The following PLPPR1 variants were observed in gnomAD, a reference collection of about 807,000 sequenced individuals.
PLPPR1 encodes phospholipid phosphatase-related protein type 1.
Under a neutral mutation model 33.1 loss-of-function variants are expected in PLPPR1, and 10 were observed. The observed-to-expected ratio is 0.30, with a 90% CI of 0.19 to 0.51. The LOEUF (loss-of-function observed/expected upper bound fraction) is 0.51. Ranked by LOEUF, PLPPR1 falls within the 20% of genes least tolerant of loss-of-function variation. The probability of loss-of-function intolerance (pLI) is 0.97; values close to 1 mark genes in which losing one functional copy is unlikely to be tolerated. For synonymous variants in PLPPR1, 151 were observed against 151.0 expected (o/e 1.00, Z 0.00); for missense variants, 304 against 408.1 (o/e 0.74, Z 2.20).
At chr9:101,246,221 A>T (rs1827610008) in intron 2 of PLPPR1, among the ~76,000 whole-genome samples, 1 of 151,392 alleles carries the variant, frequency 6.6e-6, no homozygotes, top group Non-Finnish European at 1.5e-5. Flanking sequence ...GGAAGAGAGA[A>T]GACACTGAGG....
chr9:101,029,692 T>G (rs1829917633), intron 1 of PLPPR1, among the ~76,000 whole-genome samples: 1 of 152,176 alleles, frequency 6.6e-6, no homozygotes, highest in Admixed American at 6.5e-5. Flanking sequence ...CGAGCTCCGG[T>G]GCCAAAGGCG....
rs1027124766 is a variant in PLPPR1 at position 101,317,554 on chromosome 9, G to A, written c.945+58G>A. Reference sequence around the variant, plus strand: ...ACAGGCTGAACACTTTGGGAGGTCAGTATCAATCCATGAATACCACTTAAT... The same window carrying A: ...ACAGGCTGAACACTTTGGGAGGTCAATATCAATCCATGAATACCACTTAAT... On this transcript the variant is annotated intron_variant, in intron 7 of 7. Transcript: ENST00000374874. 2.6e-6 allele frequency: 4 copies of A among 1,525,106 alleles called. No homozygotes were observed. In the East Asian group the frequency reaches 6.8e-5, roughly 26 times the overall value. The allele number at this position is 1,525,106 out of a possible 1,614,324, so 94.5% of individuals were successfully genotyped here.
intron 1 of PLPPR1, among the ~76,000 whole-genome samples, chr9:101,041,053 C>T (rs149545706): frequency 1.1e-4 from 17 of 152,216 alleles, no homozygotes; most frequent in African/African-American, 1.9e-4. Context: ...GATCTGTGAA[C>T]GCATAGTGGA....
chr9:101,163,526 T>C (rs1728926779), intron 1 of PLPPR1, among the ~76,000 whole-genome samples: 1 of 152,154 alleles, frequency 6.6e-6, no homozygotes, highest in African/African-American at 2.4e-5. Flanking sequence ...TTCATCTAGG[T>C]GCAAAGTTAC....
chr9:101,164,805 T>G (rs1218282871), intron 1 of PLPPR1, among the ~76,000 whole-genome samples: 1 of 152,208 alleles, frequency 6.6e-6, no homozygotes, highest in Admixed American at 6.6e-5. Flanking sequence ...TTTGTTTGTT[T>G]GTTTAGTAAT....
intron 1 of PLPPR1, among the ~76,000 whole-genome samples, chr9:101,153,441 T>C (rs920030134): frequency 6.6e-6 from 1 of 151,994 alleles, no homozygotes; most frequent in South Asian, 2.1e-4. Flanking sequence ...TGAATAGGAG[T>C]GGTGAGAGAG....
intron 1 of PLPPR1, among the ~76,000 whole-genome samples, chr9:101,108,297 T>G (rs1239865363): frequency 6.6e-6 from 1 of 152,206 alleles, no homozygotes; most frequent in Admixed American, 6.5e-5. Flanking sequence ...AATTGATCTG[T>G]CTATGGACCA....
At chr9:101,289,581 T>C (rs1262767103) in intron 4 of PLPPR1, among the ~76,000 whole-genome samples, 1 of 152,184 alleles carries the variant, frequency 6.6e-6, no homozygotes, top group African/African-American at 2.4e-5. Flanking sequence ...CTGGGGGTGG[T>C]TCCCCCATAC....
chr9:101,304,662 T>C (rs902610321), intron 4 of PLPPR1, among the ~76,000 whole-genome samples: 2 of 152,192 alleles, frequency 1.3e-5, no homozygotes, highest in Non-Finnish European at 2.9e-5. Flanking sequence ...CTATGCATGC[T>C]CTATTCATCA....
At chr9:101,277,147 G>T (rs1009193277) in intron 3 of PLPPR1, among the ~76,000 whole-genome samples, 3 of 152,198 alleles carry the variant, frequency 2.0e-5, no homozygotes, top group Non-Finnish European at 2.9e-5. Flanking sequence ...AACCATTTCT[G>T]CCTTCTTGGA....
At chr9:101,272,186 A>T (rs1392701997) in intron 3 of PLPPR1, among the ~76,000 whole-genome samples, 3 of 152,330 alleles carry the variant, frequency 2.0e-5, no homozygotes, top group East Asian at 1.9e-4. Flanking sequence ...TAAAAGATGT[A>T]GCAAAGCTGA....
intron 2 of PLPPR1, among the ~76,000 whole-genome samples, chr9:101,195,714 A>C (rs1826381812): frequency 6.6e-6 from 1 of 152,124 alleles, no homozygotes; most frequent in Non-Finnish European, 1.5e-5. Context: ...GCTTTCCTCA[A>C]TCTGCCACCT....
At chr9:101,177,088 CT>C (rs1826029810) in intron 1 of PLPPR1, among the ~76,000 whole-genome samples, 1 of 152,110 alleles carries the variant, frequency 6.6e-6, no homozygotes, top group Non-Finnish European at 1.5e-5. Context: ...CTCAAGATTG[CT>C]TTGGCGATTT....
chr9:101,104,538 G>T (rs1830947316), intron 1 of PLPPR1, among the ~76,000 whole-genome samples: 1 of 133,502 alleles, frequency 7.5e-6, no homozygotes, highest in Non-Finnish European at 1.6e-5. Context: ...TGTGCTGCTG[G>T]ATTTGATTTG....
chr9:101,230,535 G>C (rs987112893), intron 2 of PLPPR1, among the ~76,000 whole-genome samples: 1 of 152,040 alleles, frequency 6.6e-6, no homozygotes, highest in Non-Finnish European at 1.5e-5. Flanking sequence ...GGAAATATGT[G>C]TTCTAGTCTG....
chr9:101,090,535 C>T (rs1195732074), intron 1 of PLPPR1, among the ~76,000 whole-genome samples: 2 of 152,146 alleles, frequency 1.3e-5, no homozygotes. Context: ...TTGACCCACC[C>T]CAGTCTGGCT....
intron 1 of PLPPR1, among the ~76,000 whole-genome samples, chr9:101,079,036 G>A (rs1467392658): frequency 6.6e-6 from 1 of 152,150 alleles, no homozygotes; most frequent in Non-Finnish European, 1.5e-5. Flanking sequence ...GGATGGTATT[G>A]AGTTAAATAT....
At chr9:101,158,768 A>G (rs1588052297) in intron 1 of PLPPR1, among the ~76,000 whole-genome samples, 2 of 152,306 alleles carry the variant, frequency 1.3e-5, no homozygotes, top group East Asian at 1.9e-4. Context: ...TGACTGAGCA[A>G]TTATCCTCTG....
At chr9:101,313,243 C>G (rs1047177332) in intron 6 of PLPPR1, among the ~76,000 whole-genome samples, 1 of 152,132 alleles carries the variant, frequency 6.6e-6, no homozygotes, top group African/African-American at 2.4e-5. Context: ...CAACACTGGG[C>G]TTGGGACTGG....
Sources: allele counts gnomAD v4.1 joint callset (sites outside exome capture counted in the v4.1 genomes callset), GRCh38; gene constraint gnomAD v4.1.1; transcripts MANE v1.5; gene names NCBI Gene and HGNC (gene_info 2026-07-23, HGNC 2026-07-21).